Variants in TBC1D31 observed in about 807,000 individuals in gnomAD.
TBC1D31 encodes WD repeat domain 67.
Under a neutral mutation model 132.9 loss-of-function variants are expected in TBC1D31, and 99 were observed. That is an observed-to-expected ratio of 0.74 (90% CI 0.63 to 0.88). The LOEUF is 0.88. TBC1D31 is among the 40% of genes least tolerant of loss of function. TBC1D31 has a pLI of 0.00. For synonymous variants in TBC1D31, 385 were observed against 419.4 expected, an observed-to-expected ratio of 0.92 and a Z score of 1.00; for missense variants, 1,134 against 1,256.6, an observed-to-expected ratio of 0.90 and a Z score of 1.48.
At chr8:123,162,608 G>C in the TBC1D31 span, among the ~76,000 whole-genome samples, 1 of 152,184 alleles carries the variant, frequency 6.6e-6, no homozygotes, top group Non-Finnish European at 1.5e-5. Flanking sequence ...GCAATGTCCA[G>C]AAACATTCCA....
Position 123,072,799 on chromosome 8 carries a change from G to T in TBC1D31, c.30G>T (p.Glu10Asp). The stretch of plus-strand genomic sequence containing the variant: ...AGAGCACTGACCTAGGCAACAAGGA[G>T]AGCGGCAAGATATGGCACCGCAAGC... Reference protein sequence around the residue: MQSTDLGNKESGKIWHRKPS... With the variant: MQSTDLGNKDSGKIWHRKPS... The change falls in exon 1 of 22, where the codon GAG becomes GAT. Residue 10 changes from glutamate (E) to aspartate (D), a missense_variant. Transcript: ENST00000287380. 6.4e-7 allele frequency: 1 copy of T among 1,574,184 alleles called. No individual in the cohort carries two copies.
intron 11 of TBC1D31, among the ~76,000 whole-genome samples, chr8:123,122,567 A>G: frequency 6.6e-6 from 1 of 152,246 alleles, no homozygotes; most frequent in Non-Finnish European, 1.5e-5. Context: ...GAATGGATAC[A>G]GAGTTTCTAT....
intron 10 of TBC1D31, among the ~76,000 whole-genome samples, chr8:123,111,358 G>C (rs778256239): frequency 6.6e-6 from 1 of 152,152 alleles, no homozygotes; most frequent in Non-Finnish European, 1.5e-5. Flanking sequence ...GTTACCGGAA[G>C]ATACAACCCA....
chr8:123,092,631 C>A (rs1020255314), intron 4 of TBC1D31, among the ~76,000 whole-genome samples: 1 of 151,672 alleles, frequency 6.6e-6, no homozygotes, highest in Non-Finnish European at 1.5e-5. Context: ...TAGACAAACA[C>A]CCCATTTTGT....
intron 4 of TBC1D31, among the ~76,000 whole-genome samples, chr8:123,089,929 G>C (rs1490411853): frequency 6.6e-6 from 1 of 152,176 alleles, no homozygotes; most frequent in Non-Finnish European, 1.5e-5. Flanking sequence ...TAATGTTATA[G>C]AATATACATC....
intron 2 of TBC1D31, among the ~76,000 whole-genome samples, chr8:123,077,603 C>T (rs1441129032): frequency 2.7e-5 from 4 of 150,792 alleles, no homozygotes; most frequent in Non-Finnish European, 5.9e-5. Flanking sequence ...ATGATCTCAG[C>T]TTACTGCAAA....
At chr8:123,072,991 G>A (rs1315951575) in intron 1 of TBC1D31, 145 bp downstream of exon 1, 2 of 774,740 alleles carry the variant, frequency 2.6e-6, no homozygotes, top group South Asian at 3.4e-5. Context: ...GGAACAGATG[G>A]CTCCGGACGC....
At chr8:123,129,353 ATTAAG>A (rs1820402103) in intron 15 of TBC1D31, 135 bp downstream of exon 15, 1 of 545,868 alleles carries the variant, frequency 1.8e-6, no homozygotes, top group African/African-American at 1.9e-5. Flanking sequence ...TAAAGCAACT[ATTAAG>A]TTAATAAAAA....
intron 1 of TBC1D31, among the ~76,000 whole-genome samples, chr8:123,073,590 G>A (rs1284051576): frequency 6.6e-6 from 1 of 152,162 alleles, no homozygotes; most frequent in African/African-American, 2.4e-5. Context: ...TTTGGATTTC[G>A]ATTTCTGCAC....
chr8:123,137,337 C>A (rs1487384037), intron 17 of TBC1D31, among the ~76,000 whole-genome samples: 1 of 152,186 alleles, frequency 6.6e-6, no homozygotes, highest in Non-Finnish European at 1.5e-5. Context: ...TGTCAGGGGT[C>A]CCCAAGACCA....
At chr8:123,134,869 G>C (rs1246873578) in intron 17 of TBC1D31, among the ~76,000 whole-genome samples, 2 of 152,062 alleles carry the variant, frequency 1.3e-5, no homozygotes, top group East Asian at 1.9e-4. Flanking sequence ...AATCAGTCAG[G>C]AGCTGTAAAG....
chr8:123,150,541 G>A (rs192736003), intron 21 of TBC1D31, among the ~76,000 whole-genome samples: 5 of 152,314 alleles, frequency 3.3e-5, no homozygotes, highest in Admixed American at 2.6e-4. Context: ...TTTGGGCTGG[G>A]CTCCCTCCAA....
In TBC1D31 at chr8:123,140,823, A is replaced by G. The variant is rs969504838; in HGVS notation, c.2562A>G (p.Arg854=). The change falls in exon 18 of 22, where the codon AGA becomes AGG. Residue 854 remains arginine, a synonymous_variant. Coordinates refer to ENST00000287380, the MANE Select transcript of TBC1D31 (RefSeq NM_145647.4). ...TGCGAGCAGATGCAGATGCCTATAGACGAAAAGTGGATCTTGAAGAACACA... is the reference window on the plus strand; with the variant it reads ...TGCGAGCAGATGCAGATGCCTATAGGCGAAAAGTGGATCTTGAAGAACACA... ...KEMRADADAY[R]RKVDLEEHMF... is the part of the protein sequence containing the mutation. 6.3e-5 allele frequency: 102 copies of G among 1,613,616 alleles called. No individual in the cohort carries two copies. Among genetic ancestry groups the G allele is most frequent in the Non-Finnish European group, 8.1e-5 (96 of 1,179,824 alleles).
chr8:123,081,449 T>C (rs1463988143), intron 2 of TBC1D31, among the ~76,000 whole-genome samples: 2 of 152,180 alleles, frequency 1.3e-5, no homozygotes, highest in African/African-American at 4.8e-5. Flanking sequence ...TTGGTCCAAA[T>C]TGAGATATGA....
At position 123,074,848 on chromosome 8, in the gene TBC1D31, C is replaced by T. The variant is rs553795585; in HGVS notation, c.77+2002C>T. The T allele has an allele frequency of 2.6e-5, 4 of 152,316 alleles. No individual in the cohort carries two copies. In the East Asian group the frequency reaches 7.7e-4, roughly 29 times the overall value. The allele number at this position is 152,316 out of a possible 1,614,324, so 9.4% of individuals were successfully genotyped here. ...AGTGGGGAGAATCAGATTTACCAGA[C>T]AGGTTGTCTTACACATTTGGTGCTC... On this transcript the variant is annotated intron_variant, in intron 1 of 21. Coordinates refer to ENST00000287380, the MANE Select transcript of TBC1D31 (RefSeq NM_145647.4).
At chr8:123,094,779 G>C (rs1417250581) in intron 5 of TBC1D31, among the ~76,000 whole-genome samples, 1 of 152,010 alleles carries the variant, frequency 6.6e-6, no homozygotes, top group African/African-American at 2.4e-5. Flanking sequence ...GACCTCTGGT[G>C]ATCCGCCTGC....
At chr8:123,080,712 A>G (rs1029503889) in intron 2 of TBC1D31, among the ~76,000 whole-genome samples, 1 of 151,020 alleles carries the variant, frequency 6.6e-6, no homozygotes, top group Non-Finnish European at 1.5e-5. Context: ...AATTTTTTGT[A>G]TTTTAGTAGA....
intron 19 of TBC1D31, among the ~76,000 whole-genome samples, chr8:123,143,458 C>T (rs575763187): frequency 2.4e-4 from 37 of 152,284 alleles, no homozygotes; most frequent in African/African-American, 8.4e-4. Context: ...TTGATCCTCG[C>T]AAAGACTCTG....
In TBC1D31 at chr8:123,107,136, T is replaced by A. The variant is rs73337888; in HGVS notation, c.1209+1672T>A. 3.5e-3 allele frequency among the ~76,000 whole-genome samples: 533 copies of A among 152,296 alleles called. 2 individuals carry two copies. The highest frequency in any genetic ancestry group is 0.011 in the African/African-American group (458 of 41,564). Reference sequence around the variant, plus strand: ...AGCATAAACCACATTGTACAAACAGTTTAAGCACAATGAGCCACTCTTTAT... The same window carrying A: ...AGCATAAACCACATTGTACAAACAGATTAAGCACAATGAGCCACTCTTTAT... On this transcript the variant is annotated intron_variant, in intron 8 of 21. Coordinates refer to ENST00000287380, the MANE Select transcript of TBC1D31 (RefSeq NM_145647.4).
Sources: gnomAD v4.1 joint callset for allele counts (sites outside exome capture counted in the v4.1 genomes callset) on GRCh38, gnomAD v4.1.1 for gene constraint, MANE v1.5 for transcripts, NCBI Gene and HGNC (gene_info 2026-07-23, HGNC 2026-07-21) for gene names.